RETREG3: variants seen among roughly 807,000 people sequenced by gnomAD.
RETREG3 encodes reticulophagy regulator 3.
Under a neutral mutation model 50.2 loss-of-function variants are expected in RETREG3, and 23 were observed. The observed-to-expected ratio is 0.46, with a 90% CI of 0.33 to 0.65. The LOEUF is 0.65. RETREG3 is among the 30% of genes least tolerant of loss of function. RETREG3 has a pLI of 0.02. For missense variants in RETREG3, 546 were observed against 598.0 expected, an observed-to-expected ratio of 0.91 and a Z score of 0.91; for synonymous variants, 240 against 234.4, an observed-to-expected ratio of 1.02 and a Z score of -0.22.
rs1390297761 is a variant in RETREG3, at chr17:42,580,985, G to A, written c.*828C>T. The A allele has an allele frequency of 6.8e-6, 1 of 146,882 alleles. No homozygotes were observed. The highest frequency in any genetic ancestry group is 2.5e-5 in the African/African-American group (1 of 39,698). The allele number at this position is 146,882 out of a possible 1,614,324, so 9.1% of individuals were successfully genotyped here. A position where few individuals can be genotyped will look rare whatever the true frequency, so the allele number is the denominator to read the frequency against. On this transcript the variant is annotated 3_prime_UTR_variant, in exon 9 of 9. Transcript: ENST00000309428. ...ACCCGGCAGGCGGAGGCTGCAGTGA[G>A]CCGAGATTGTGCCACTGCACTCCAG...
intron 1 of RETREG3, among the ~76,000 whole-genome samples, chr17:42,597,563 T>C (rs2093148320): frequency 8.2e-6 from 1 of 121,816 alleles, no homozygotes; most frequent in Admixed American, 8.7e-5. Context: ...TATTTTTGTG[T>C]ATATATATAT....
intron 5 of RETREG3, among the ~76,000 whole-genome samples, 198 bp from the exon 6 acceptor site, chr17:42,585,460 A>C (rs1214279882): frequency 6.6e-6 from 1 of 152,224 alleles, no homozygotes; most frequent in African/African-American, 2.4e-5. Flanking sequence ...AGCCACCCAC[A>C]AAGCCTACTG....
intron 1 of RETREG3, among the ~76,000 whole-genome samples, chr17:42,603,628 A>G (rs555498589): frequency 1.3e-5 from 2 of 152,340 alleles, no homozygotes; most frequent in Non-Finnish European, 2.9e-5. Context: ...GCTCACAAAG[A>G]CAAGAACCCT....
rs927965061 is a variant in RETREG3, at chr17:42,582,027, T to C, written c.1187A>G (p.Asn396Ser). The change falls in exon 9 of 9, where the codon AAC becomes AGC. Residue 396 changes from asparagine (N) to serine (S), a missense_variant. Asn to Ser is a conservative substitution (Grantham distance 46). Transcript: ENST00000309428. ...ALPVGSNLTS[N>S]LASLVSQGMI... Reference sequence around the variant, plus strand: ...ACCCTGGGAGACCAGGCTGGCAAGGTTGCTGGTGAGGTTGGATCCTACAGG... The same window carrying C: ...ACCCTGGGAGACCAGGCTGGCAAGGCTGCTGGTGAGGTTGGATCCTACAGG... 7 of 1,613,974 alleles carry C rather than the reference T, an allele frequency of 4.3e-6. No homozygotes were observed. The highest frequency in any genetic ancestry group is 5.1e-6 in the Non-Finnish European group (6 of 1,179,996).
At chr17:42,585,388 G>T in intron 5 of RETREG3, 126 bp from the exon 6 acceptor site, 1 of 1,340,668 alleles carries the variant, frequency 7.5e-7, no homozygotes, top group Non-Finnish European at 1.0e-6. Flanking sequence ...GCCCAAGTCT[G>T]CCAGTCATCT....
At chr17:42,607,803 T>C (rs1406505293) in intron 1 of RETREG3, among the ~76,000 whole-genome samples, 1 of 149,180 alleles carries the variant, frequency 6.7e-6, no homozygotes, top group African/African-American at 2.5e-5. Context: ...TGAAACTCTG[T>C]CTTAAAAAAA....
rs1567925558 is a variant in RETREG3 at position 42,597,617 on chromosome 17, ATATTTTTTTTTTTT to A, written c.240-5469_240-5456del. On this transcript the variant is annotated intron_variant, in intron 1 of 8. Transcript: ENST00000309428. ...TATATATATATATATATATATATAT[ATATTTTTTTTTTTT>A]TTTTTTTTTTTTTTTTGAGACAGAG... Among the ~76,000 whole-genome samples, 7 of 14,802 alleles carry A rather than the reference ATATTTTTTTTTTTT, an allele frequency of 4.7e-4. 1 individual carries two copies. The highest frequency in any genetic ancestry group is 4.5e-3 in the East Asian group (3 of 674). The allele number at this position is 14,802 out of a possible 152,430, so 9.7% of individuals were successfully genotyped here. A position where few individuals can be genotyped will look rare whatever the true frequency, so the allele number is the denominator to read the frequency against.
intron 1 of RETREG3, chr17:42,596,532 C>T (rs1321666723): frequency 6.6e-6 from 1 of 152,008 alleles, no homozygotes; most frequent in East Asian, 1.9e-4. Flanking sequence ...CCATTCCTTA[C>T]CCATACCATC....
At chr17:42,583,447 A>C (rs753553070) in intron 7 of RETREG3, 51 bp downstream of exon 7, 2 of 1,579,048 alleles carry the variant, frequency 1.3e-6, no homozygotes, top group Non-Finnish European at 8.7e-7. Flanking sequence ...GGATGGTTAA[A>C]AGGTAGCTAA....
At chr17:42,595,122 C>A (rs141404810) in intron 1 of RETREG3, among the ~76,000 whole-genome samples, 1 of 151,206 alleles carries the variant, frequency 6.6e-6, no homozygotes, top group East Asian at 2.0e-4. Flanking sequence ...TGCACCACCA[C>A]GTCCAGCTAA....
rs374428488 is a variant in RETREG3, at chr17:42,582,688, G to A, written c.929C>T (p.Thr310Met). ...GCTCCCCTCACCTTCAGAGCCTTCC[G>A]TTAGAGGTGTTTGGCCCCTTGAAAG... is the stretch of plus-strand genomic sequence containing the variant. ...FNLSRGQTPL[T>M]EGSEDLDGHS... Residue 310 changes from threonine (T) to methionine (M), a missense_variant, in exon 8 of 9, where the codon ACG becomes ATG. By Grantham distance (81) the Thr-to-Met change is moderately conservative. Transcript: ENST00000309428. The A allele has an allele frequency of 2.4e-5, 39 of 1,614,232 alleles. No homozygotes were observed. Among genetic ancestry groups the A allele is most frequent in the Non-Finnish European group, 2.5e-5 (29 of 1,180,040 alleles).
rs1172432332 is a variant in RETREG3 at position 42,609,338 on chromosome 17, C to T, written c.-14G>A. On this transcript the variant is annotated 5_prime_UTR_variant, in exon 1 of 9. An upstream open reading frame in the 5' UTR gains an earlier in-frame stop. Transcript: ENST00000309428. ...GGCCTCAGCCATCTCCCCGCGGCAG[C>T]CACAACATCCGGGGCCGTGGCCCGA... 6.3e-6 allele frequency: 10 copies of T among 1,592,150 alleles called. No individual in the cohort carries two copies. The highest frequency in any genetic ancestry group is 1.1e-5 in the South Asian group (1 of 90,536).
chr17:42,586,566 C>T (rs920268482), intron 4 of RETREG3, 199 bp downstream of exon 4: 11 of 609,964 alleles, frequency 1.8e-5, no homozygotes, highest in Middle Eastern at 4.8e-4. Flanking sequence ...GTGGCAACCA[C>T]ACCAAATGAG....
intron 2 of RETREG3, 104 bp downstream of exon 2, chr17:42,591,952 G>T: frequency 1.0e-6 from 1 of 956,000 alleles, no homozygotes; most frequent in Non-Finnish European, 1.6e-6. Context: ...TCAAAAGACA[G>T]TCCCCAGCTC....
chr17:42,587,014 T>C, intron 3 of RETREG3, 123 bp from the exon 4 acceptor site: 1 of 1,322,344 alleles, frequency 7.6e-7, no homozygotes, highest in South Asian at 1.5e-5. Context: ...CCCAGGTGCT[T>C]TGGAGGTGAA....
rs369614204 is a variant in RETREG3, at chr17:42,585,178, C to A, written c.674G>T (p.Arg225Leu). The A allele has an allele frequency of 6.2e-7, 1 of 1,613,876 alleles. No individual in the cohort carries two copies. Among genetic ancestry groups the A allele is most frequent in the Non-Finnish European group, 8.5e-7 (1 of 1,180,040 alleles). Residue 225 changes from arginine (R) to leucine (L), a missense_variant, in exon 6 of 9, where the codon CGG becomes CTG. Coordinates refer to ENST00000309428, the MANE Select transcript of RETREG3 (RefSeq NM_178126.4). ...AYVRLKPALQRLDFSVRGYMM... is the reference protein window; with the variant it reads ...AYVRLKPALQLLDFSVRGYMM... ...GTAGCCACGGACACTGAAGTCTAGC[C>A]GCTGCAGAGCTGGCTTCAGCCGCAC...
chr17:42,597,778 C>A (rs1177843576), intron 1 of RETREG3, among the ~76,000 whole-genome samples: 1 of 148,664 alleles, frequency 6.7e-6, no homozygotes, highest in Non-Finnish European at 1.5e-5. Context: ...TTAAGGTGTG[C>A]GCCACTGCGC....
chr17:42,585,249 C>T lies in RETREG3; in HGVS notation c.603G>A (p.Met201Ile). The T allele has an allele frequency of 6.2e-7, 1 of 1,613,770 alleles. No homozygotes were observed. Among genetic ancestry groups the T allele is most frequent in the Non-Finnish European group, 8.5e-7 (1 of 1,179,850 alleles). Residue 201 changes from methionine (M) to isoleucine (I), a missense_variant, in exon 6 of 9, where the codon ATG (methionine) becomes ATA (isoleucine). Met to Ile is a conservative substitution (Grantham distance 10). Coordinates refer to ENST00000309428, the MANE Select transcript of RETREG3 (RefSeq NM_178126.4). The stretch of plus-strand genomic sequence containing the variant: ...GGTGGTACACAGCAAGGGGCCACAT[C>T]ATGACAGTGACAACTGTGAGGAGGC... The part of the protein sequence containing the change: ...LLSYLMLVTV[M>I]MWPLAVYHRL...
intron 1 of RETREG3, among the ~76,000 whole-genome samples, chr17:42,593,647 CAAAAAAAAA>C (rs10537185): frequency 2.2e-4 from 19 of 86,310 alleles, no homozygotes; most frequent in Non-Finnish European, 1.6e-4. Context: ...GACTCCGTCT[CAAAAAAAAA>C]AAAAAAAAAA....
Sources: allele counts gnomAD v4.1 joint callset (sites outside exome capture counted in the v4.1 genomes callset), GRCh38; gene constraint gnomAD v4.1.1; transcripts MANE v1.5; gene names NCBI Gene and HGNC (gene_info 2026-07-23, HGNC 2026-07-21).